Variants in DMC1 observed in about 807,000 individuals in gnomAD.
The protein encoded by DMC1 is DNA meiotic recombinase 1.
Under a neutral mutation model 50.1 loss-of-function variants are expected in DMC1, and 27 were observed. The observed-to-expected ratio is 0.54, with a 90% confidence interval of 0.40 to 0.74. The LOEUF (loss-of-function observed/expected upper bound fraction) is 0.74, where lower values mean the gene tolerates loss of function less well. Ranked by LOEUF, DMC1 falls within the 30% of genes least tolerant of loss-of-function variation. DMC1 has a pLI of 0.00. For missense variants in DMC1, 295 were observed against 420.2 expected (o/e 0.70, Z 2.60); for synonymous variants, 148 against 136.1 (o/e 1.09, Z -0.61).
At chr22:38,545,182 G>C (rs1418051098) in intron 8 of DMC1, among the ~76,000 whole-genome samples, 3 of 152,034 alleles carry the variant, frequency 2.0e-5, no homozygotes, top group Non-Finnish European at 4.4e-5. Context: ...GCCCAGGTGG[G>C]AGGATCACTA....
chr22:38,530,648 A>G (rs1431938102), intron 12 of DMC1, among the ~76,000 whole-genome samples: 1 of 152,148 alleles, frequency 6.6e-6, no homozygotes, highest in East Asian at 1.9e-4. Context: ...TAATTTTGAG[A>G]GGGAGGAAAA....
At chr22:38,540,471 T>C (rs2090268555) in intron 8 of DMC1, among the ~76,000 whole-genome samples, 1 of 152,232 alleles carries the variant, frequency 6.6e-6, no homozygotes, top group Non-Finnish European at 1.5e-5. Flanking sequence ...AATAAACATT[T>C]TTTTTAGGTC....
the DMC1 span, among the ~76,000 whole-genome samples, chr22:38,513,920 G>C: frequency 6.6e-6 from 1 of 152,218 alleles, no homozygotes; most frequent in African/African-American, 2.4e-5. Flanking sequence ...TTTCTAACTT[G>C]ATGCATCCCA....
chr22:38,532,550 G>C (rs1006816693), intron 12 of DMC1, among the ~76,000 whole-genome samples: 1 of 151,708 alleles, frequency 6.6e-6, no homozygotes, highest in Non-Finnish European at 1.5e-5. Context: ...TCGATCTCCT[G>C]ACCTCGTGAT....
chr22:38,514,884 A>C (rs2089965504), downstream of DMC1, among the ~76,000 whole-genome samples: 1 of 151,756 alleles, frequency 6.6e-6, no homozygotes, highest in Admixed American at 6.6e-5. Flanking sequence ...ACTAACCGTA[A>C]GTATACTCAG....
intron 8 of DMC1, among the ~76,000 whole-genome samples, chr22:38,539,796 G>A (rs2090260742): frequency 1.3e-5 from 2 of 152,260 alleles, no homozygotes; most frequent in Admixed American, 6.5e-5. Flanking sequence ...AGAAAAACTA[G>A]GAACTAAGCT....
At chr22:38,514,951 T>A (rs928413266), downstream of DMC1, among the ~76,000 whole-genome samples, 2 of 150,268 alleles carry the variant, frequency 1.3e-5, no homozygotes, top group Admixed American at 1.3e-4. Flanking sequence ...TATTCTTTTT[T>A]TTTTTTTTTT....
At chr22:38,521,460 T>C in intron 13 of DMC1, 148 bp downstream of exon 13, 1 of 602,486 alleles carries the variant, frequency 1.7e-6, no homozygotes, top group South Asian at 1.7e-5. Flanking sequence ...TCCCAGCACT[T>C]TGGGAGCCCA....
rs1477635809 is a variant in DMC1, at chr22:38,519,611, T to G, written c.*409A>C. The G allele has an allele frequency of 4.2e-6, 1 of 235,916 alleles. No individual in the cohort carries two copies. Among genetic ancestry groups the G allele is most frequent in the Non-Finnish European group, 8.5e-6 (1 of 117,948 alleles). The allele number at this position is 235,916 out of a possible 1,614,324, so 14.6% of individuals were successfully genotyped here. ...GGTGAAGGGAAAGTCCTTAGGAGAA[T>G]GGGACATTTCTGAACTCTTAGACTT... On this transcript the variant is annotated 3_prime_UTR_variant, in exon 14 of 14. Transcript: ENST00000216024.
downstream of DMC1, among the ~76,000 whole-genome samples, chr22:38,517,995 C>T (rs528022820): frequency 1.7e-4 from 25 of 148,626 alleles, no homozygotes; most frequent in Non-Finnish European, 2.5e-4. Flanking sequence ...TTTTTTGAGA[C>T]GGAGTCTCGC....
rs752868829 is a variant in DMC1 at position 38,552,647 on chromosome 22, T to G, written c.421+19A>C. The G allele has an allele frequency of 1.3e-6, 2 of 1,523,224 alleles. No homozygotes were observed. The highest frequency in any genetic ancestry group is 2.7e-5 in the African/African-American group (2 of 72,962). 94.4% of individuals were successfully genotyped at this position (1,523,224 alleles called of 1,614,324 possible). On this transcript the variant is annotated intron_variant, in intron 7 of 13. Coordinates refer to ENST00000216024, the MANE Select transcript of DMC1 (RefSeq NM_007068.4). ...TAATAGCCATGATTATTATTGTTAT[T>G]GTTGTTATATATCCTTACCACAGAG...
intron 4 of DMC1, among the ~76,000 whole-genome samples, chr22:38,563,778 C>A (rs2090553412): frequency 6.6e-6 from 1 of 151,818 alleles, no homozygotes; most frequent in Non-Finnish European, 1.5e-5. Context: ...CAGCTCACTG[C>A]AAGCTCCACC....
At chr22:38,523,736 C>G (rs2090055670) in intron 12 of DMC1, among the ~76,000 whole-genome samples, 1 of 151,654 alleles carries the variant, frequency 6.6e-6, no homozygotes, top group Non-Finnish European at 1.5e-5. Context: ...CCACTGTACT[C>G]TAGCCTGGGT....
At chr22:38,513,092 A>C in the DMC1 span, among the ~76,000 whole-genome samples, 1 of 152,084 alleles carries the variant, frequency 6.6e-6, no homozygotes, top group Non-Finnish European at 1.5e-5. Flanking sequence ...TCAAAAAAAA[A>C]AAAAAGGACA....
Position 38,562,352 on chromosome 22 carries a change from A to C in DMC1, c.261T>G (p.Thr87=), listed in dbSNP as rs770541462. ...TCCTCTTTTCACTATACTCAAATGC[A>C]GTCAAGAATCCTGGTTCCTACAGAA... The part of the protein sequence containing the change: ...ANKLIEPGFL[T]AFEYSEKRKM... The change falls in exon 5 of 14, where the codon ACT becomes ACG. Residue 87 remains threonine, a synonymous_variant. Coordinates refer to ENST00000216024, the MANE Select transcript of DMC1 (RefSeq NM_007068.4). The C allele has an allele frequency of 1.9e-5, 31 of 1,611,214 alleles. 1 individual carries two copies. The South Asian group carries it at 2.7e-4, about 14-fold the overall frequency.
Position 38,521,627 on chromosome 22 carries a change from TTC to T in DMC1, c.932_933del (p.Arg311AsnfsTer6). 6.2e-7 allele frequency: 1 copy of T among 1,610,852 alleles called. No homozygotes were observed. On this transcript the variant is annotated frameshift_variant, in exon 13 of 14. Coordinates refer to ENST00000216024, the MANE Select transcript of DMC1 (RefSeq NM_007068.4). LOFTEE classifies it high-confidence loss of function. ...ATTTACCTGTCATAAATCTTGGCAATTCTGAGCTCTCCTCTTCCCTTTCGCAA... is the reference window on the plus strand; with the variant it reads ...ATTTACCTGTCATAAATCTTGGCAATTGAGCTCTCCTCTTCCCTTTCGCAA... ...ISLRKGRGEL[R>X]IAKIYDSPEM... is the part of the protein sequence containing the mutation.
chr22:38,515,028 C>T (rs1407506666), downstream of DMC1, among the ~76,000 whole-genome samples: 1 of 150,348 alleles, frequency 6.7e-6, no homozygotes, highest in Non-Finnish European at 1.5e-5. Flanking sequence ...CCACCATGCC[C>T]GGCTAATTAT....
At chr22:38,537,000 G>A (rs905346403) in intron 12 of DMC1, among the ~76,000 whole-genome samples, 13 of 151,840 alleles carry the variant, frequency 8.6e-5, no homozygotes, top group African/African-American at 2.9e-4. Context: ...ACAGGTGCAC[G>A]CCACCACGCC....
At chr22:38,514,704 T>C (rs1384640438), downstream of DMC1, among the ~76,000 whole-genome samples, 1 of 152,164 alleles carries the variant, frequency 6.6e-6, no homozygotes, top group Non-Finnish European at 1.5e-5. Flanking sequence ...TTATAGTGCA[T>C]TAGCATGCTA....
Sources: allele counts gnomAD v4.1 joint callset (sites outside exome capture counted in the v4.1 genomes callset), GRCh38; gene constraint gnomAD v4.1.1; transcripts MANE v1.5; gene names NCBI Gene and HGNC (gene_info 2026-07-23, HGNC 2026-07-21).